HIVEP3: variants seen among roughly 807,000 people sequenced by gnomAD.
HIVEP3 encodes the protein transcription factor HIVEP3.
In HIVEP3, 49 loss-of-function variants were observed where a neutral mutation model predicts 152.8. The observed-to-expected ratio is 0.32, with a 90% CI of 0.26 to 0.41. The LOEUF (loss-of-function observed/expected upper bound fraction) is 0.41, where lower values mean the gene tolerates loss of function less well. Ranked by LOEUF, HIVEP3 falls within the 10% of genes least tolerant of loss-of-function variation. The probability of loss-of-function intolerance (pLI) is 1.00; values close to 1 mark genes in which losing one functional copy is unlikely to be tolerated. For missense variants in HIVEP3, 2,790 were observed against 3,103.3 expected, an observed-to-expected ratio of 0.90 and a Z score of 2.40; for synonymous variants, 1,269 against 1,289.0, an observed-to-expected ratio of 0.98 and a Z score of 0.33.
At chr1:41,941,451 G>A (rs760068913) in intron 1 of HIVEP3, among the ~76,000 whole-genome samples, 3 of 152,174 alleles carry the variant, frequency 2.0e-5, no homozygotes, top group Non-Finnish European at 2.9e-5. Flanking sequence ...CAGAGAAGAA[G>A]GAAAGGGGGT....
chr1:41,965,754 T>C (rs964531369), intron 1 of HIVEP3, among the ~76,000 whole-genome samples: 2 of 152,092 alleles, frequency 1.3e-5, no homozygotes, highest in Non-Finnish European at 2.9e-5. Flanking sequence ...CTACGACTGA[T>C]TGGGGTACCT....
intron 5 of HIVEP3, among the ~76,000 whole-genome samples, chr1:41,546,404 C>G (rs924274614): frequency 6.6e-5 from 10 of 152,320 alleles, no homozygotes; most frequent in African/African-American, 2.4e-4. Flanking sequence ...TCTCAGCAGG[C>G]TCAGAGCTGA....
In HIVEP3 at chr1:41,626,000, C is replaced by A. The variant is rs184165381; in HGVS notation, c.-522+2749G>T. On this transcript the variant is annotated intron_variant, in intron 3 of 8. Coordinates refer to ENST00000372583, the MANE Select transcript of HIVEP3 (RefSeq NM_024503.5). Reference sequence around the variant, plus strand: ...CAAGTTTCTCATTGCTGAGAAATTGCTTCCATATCCATTTTCAAATGAGAT... The same window carrying A: ...CAAGTTTCTCATTGCTGAGAAATTGATTCCATATCCATTTTCAAATGAGAT... Among the ~76,000 whole-genome samples, 14 of 152,326 alleles carry A rather than the reference C, an allele frequency of 9.2e-5. No individual in the cohort carries two copies. The East Asian group carries it at 2.7e-3, about 29-fold the overall frequency.
intron 7 of HIVEP3, among the ~76,000 whole-genome samples, chr1:41,516,989 C>T (rs1569681208): frequency 6.6e-6 from 1 of 152,378 alleles, no homozygotes; most frequent in Non-Finnish European, 1.5e-5. Context: ...TGCCTGAGGG[C>T]AGGAGCTGTT....
At chr1:41,548,046 C>T (rs1475365459) in intron 5 of HIVEP3, among the ~76,000 whole-genome samples, 1 of 152,184 alleles carries the variant, frequency 6.6e-6, no homozygotes, top group Admixed American at 6.5e-5. Flanking sequence ...ATCCCCATGC[C>T]TTTGTTAACT....
At position 41,552,384 on chromosome 1, in the gene HIVEP3, C is replaced by G. The variant is rs1215868022; in HGVS notation, c.5207+23160G>C. On this transcript the variant is annotated intron_variant, in intron 5 of 8. Coordinates refer to ENST00000372583, the MANE Select transcript of HIVEP3 (RefSeq NM_024503.5). The stretch of plus-strand genomic sequence containing the variant: ...CCTCCCCCCTCCCCCCACCCCACAA[C>G]AGTCCCCAGAGTGTGATGTTCCCTT... Among the ~76,000 whole-genome samples, 7 of 132,926 alleles carry G rather than the reference C, an allele frequency of 5.3e-5. No individual in the cohort carries two copies. In the Admixed American group the frequency reaches 5.8e-4, roughly 11 times the overall value. The allele number at this position is 132,926 out of a possible 152,430, so 87.2% of individuals were successfully genotyped here.
At chr1:41,975,631 G>A (rs190034356) in intron 1 of HIVEP3, among the ~76,000 whole-genome samples, 2 of 152,348 alleles carry the variant, frequency 1.3e-5, no homozygotes, top group Non-Finnish European at 2.9e-5. Context: ...GGTTGGTTAG[G>A]ATGAGTCTAT....
At chr1:41,952,496 G>A (rs190583082) in intron 1 of HIVEP3, among the ~76,000 whole-genome samples, 4 of 152,214 alleles carry the variant, frequency 2.6e-5, no homozygotes, top group Admixed American at 2.0e-4. Context: ...TGGGGTTAAG[G>A]ATCAGCAGAA....
At chr1:41,561,731 T>A (rs909931618) in intron 5 of HIVEP3, among the ~76,000 whole-genome samples, 2 of 151,754 alleles carry the variant, frequency 1.3e-5, no homozygotes, top group African/African-American at 4.8e-5. Context: ...CCCAGGCTGG[T>A]CTCAAACTCC....
intron 2 of HIVEP3, among the ~76,000 whole-genome samples, chr1:41,678,882 A>G (rs1465329510): frequency 2.0e-5 from 3 of 152,136 alleles, no homozygotes; most frequent in African/African-American, 7.2e-5. Context: ...CTCATCTTAG[A>G]CTCTGCTCCC....
chr1:41,937,142 C>T (rs747810009), intron 1 of HIVEP3, among the ~76,000 whole-genome samples: 2 of 152,156 alleles, frequency 1.3e-5, no homozygotes, highest in South Asian at 4.1e-4. Flanking sequence ...TTCCAGTCCT[C>T]TTTATGTGGG....
chr1:41,719,096 T>C (rs1481892062), intron 1 of HIVEP3, among the ~76,000 whole-genome samples: 1 of 152,232 alleles, frequency 6.6e-6, no homozygotes, highest in Non-Finnish European at 1.5e-5. Context: ...GCTCAGAGTG[T>C]GCTGCTGCAG....
At chr1:41,939,144 C>T (rs1390240813) in intron 1 of HIVEP3, among the ~76,000 whole-genome samples, 2 of 152,060 alleles carry the variant, frequency 1.3e-5, no homozygotes, top group Admixed American at 6.6e-5. Flanking sequence ...ATGAGAATGG[C>T]TCTTCTTTTT....
chr1:41,999,931 T>C (rs1275870676), intron 1 of HIVEP3, among the ~76,000 whole-genome samples: 1 of 152,142 alleles, frequency 6.6e-6, no homozygotes, highest in African/African-American at 2.4e-5. Context: ...ATTAGGGAAT[T>C]CTAGAAAATC....
intron 3 of HIVEP3, among the ~76,000 whole-genome samples, chr1:41,595,684 G>A (rs1644655756): frequency 6.6e-6 from 1 of 152,166 alleles, no homozygotes; most frequent in Non-Finnish European, 1.5e-5. Context: ...GACTGGGAAA[G>A]GCAGACCCAC....
chr1:41,553,474 T>C (rs972916995), intron 5 of HIVEP3, among the ~76,000 whole-genome samples: 4 of 152,278 alleles, frequency 2.6e-5, no homozygotes, highest in African/African-American at 2.4e-5. Context: ...CTGTGTCTTT[T>C]AATTGGGGCA....
At chr1:41,714,930 T>G (rs1646568528) in intron 1 of HIVEP3, among the ~76,000 whole-genome samples, 1 of 152,110 alleles carries the variant, frequency 6.6e-6, no homozygotes, top group Non-Finnish European at 1.5e-5. Context: ...GTTCAGACTG[T>G]CTTCCCCACT....
chr1:41,739,293 A>C (rs535160758), intron 1 of HIVEP3, among the ~76,000 whole-genome samples: 1 of 152,310 alleles, frequency 6.6e-6, no homozygotes, highest in Admixed American at 6.5e-5. Flanking sequence ...AGGCTGTTTC[A>C]GAGAAGTACT....
At chr1:41,992,608 A>G (rs1234860922) in intron 1 of HIVEP3, among the ~76,000 whole-genome samples, 42 of 145,332 alleles carry the variant, frequency 2.9e-4, no homozygotes, top group Non-Finnish European at 6.0e-4. Flanking sequence ...CATCCCCATC[A>G]AGCTACCAAT....
Sources: gnomAD v4.1 joint callset for allele counts (sites outside exome capture counted in the v4.1 genomes callset) on GRCh38, gnomAD v4.1.1 for gene constraint, MANE v1.5 for transcripts, NCBI Gene and HGNC (gene_info 2026-07-23, HGNC 2026-07-21) for gene names.